Variants in NCOA3 observed in about 807,000 individuals in gnomAD.
NCOA3 encodes nuclear receptor coactivator 3.
A neutral mutation model predicts 158.8 loss-of-function variants in NCOA3; 51 were observed. That is an observed-to-expected ratio of 0.32 (90% CI 0.26 to 0.41). NCOA3 has a LOEUF of 0.41. Among genes scored for constraint, NCOA3 ranks in the 10% least tolerant of loss-of-function variants. The pLI is 1.00. For synonymous variants in NCOA3, 537 were observed against 592.4 expected, an observed-to-expected ratio of 0.91 and a Z score of 1.36; for missense variants, 1,510 against 1,746.6, an observed-to-expected ratio of 0.86 and a Z score of 2.41.
rs572469561 is a variant in NCOA3 at position 47,634,033 on chromosome 20, T to C, written c.965-15T>C. ...CTGACTGTAGTTACCAGTGATGGGATATTTTCCCCAACAGCTTATCTTAAT... is the reference window on the plus strand; with the variant it reads ...CTGACTGTAGTTACCAGTGATGGGACATTTTCCCCAACAGCTTATCTTAAT... On this transcript the variant is annotated splice_polypyrimidine_tract_variant and intron_variant, in intron 9 of 22. Transcript: ENST00000371998. The C allele has an allele frequency of 9.3e-6, 15 of 1,613,980 alleles. No individual in the cohort carries two copies. In the African/African-American group the frequency reaches 2.0e-4, roughly 22 times the overall value.
rs367600402 is a variant in NCOA3 at position 47,566,589 on chromosome 20, G to A, written c.-98-16594G>A. On this transcript the variant is annotated intron_variant, in intron 1 of 22. Coordinates refer to ENST00000371998, the MANE Select transcript of NCOA3 (RefSeq NM_181659.3). ...TGCAGTGGTGCCATTTCAGCTCACC[G>A]CACCCTCAACCTCCTGGGCTCAAGC... Among the ~76,000 whole-genome samples, 11 of 152,022 alleles carry A rather than the reference G, an allele frequency of 7.2e-5. 1 individual carries two copies. The highest frequency in any genetic ancestry group is 1.4e-4 in the African/African-American group (6 of 41,488).
In NCOA3 at chr20:47,642,244, G is replaced by C; in HGVS notation, c.3112G>C (p.Val1038Leu). The C allele has an allele frequency of 6.2e-7, 1 of 1,605,388 alleles. No individual in the cohort carries two copies. The highest frequency in any genetic ancestry group is 2.2e-5 in the East Asian group (1 of 44,680). ...TCTTAGGAATTCCCTGGATGATCTT[G>C]TTGGGCCACCTTCCAACCTGGAAGG... is the stretch of plus-strand genomic sequence containing the variant. ...PLLRNSLDDL[V>L]GPPSNLEGQS... The change falls in exon 17 of 23, where the codon GTT becomes CTT. Residue 1038 changes from valine to leucine, a missense_variant. Transcript: ENST00000371998.
At chr20:47,558,716 C>T (rs1005388767) in intron 1 of NCOA3, among the ~76,000 whole-genome samples, 3 of 151,948 alleles carry the variant, frequency 2.0e-5, no homozygotes, top group Non-Finnish European at 4.4e-5. Flanking sequence ...CAGAATCCCT[C>T]ATCTCCATCA....
intron 17 of NCOA3, among the ~76,000 whole-genome samples, chr20:47,644,702 A>G (rs2086660888): frequency 6.6e-6 from 1 of 151,542 alleles, no homozygotes; most frequent in African/African-American, 2.4e-5. Context: ...CCAAATTTTT[A>G]TTTATTTATT....
chr20:47,537,517 G>A (rs1383466614), intron 1 of NCOA3, among the ~76,000 whole-genome samples: 1 of 151,802 alleles, frequency 6.6e-6, no homozygotes, highest in Non-Finnish European at 1.5e-5. Flanking sequence ...GAAAGAAAAT[G>A]TAAAACTGCC....
rs34097290 is a variant in NCOA3, at chr20:47,647,919, G to GTT, written c.3546+565_3546+566dup. Among the ~76,000 whole-genome samples the GTT allele has an allele frequency of 2.5e-3, 263 of 103,356 alleles. 2 individuals are homozygous for GTT. Among genetic ancestry groups the GTT allele is most frequent in the African/African-American group, 0.012 (251 of 20,630 alleles). 67.8% of individuals were successfully genotyped at this position (103,356 alleles called of 152,430 possible). A position where few individuals can be genotyped will look rare whatever the true frequency, so the allele number is the denominator to read the frequency against. ...TTTGTTTGTTTGTTTGTTTTGTTTT[G>GTT]TTTTTTTTTTTTTGAGGTGGAGTCT... On this transcript the variant is annotated intron_variant, in intron 18 of 22. Transcript: ENST00000371998.
intron 1 of NCOA3, among the ~76,000 whole-genome samples, chr20:47,533,313 AT>A (rs3091773): frequency 3.3e-4 from 43 of 132,106 alleles, no homozygotes; most frequent in Middle Eastern, 4.0e-3. Flanking sequence ...AAGATCATTG[AT>A]TTTTTTTTTT....
chr20:47,646,867 A>G (rs1225977452), intron 17 of NCOA3, among the ~76,000 whole-genome samples: 1 of 152,194 alleles, frequency 6.6e-6, no homozygotes, highest in African/African-American at 2.4e-5. Flanking sequence ...TCTTCAGAAT[A>G]TCAACTTTTA....
chr20:47,650,758 G>A (rs753136719), intron 19 of NCOA3, among the ~76,000 whole-genome samples: 2 of 151,922 alleles, frequency 1.3e-5, no homozygotes, highest in Non-Finnish European at 2.9e-5. Context: ...AGCTACTTGG[G>A]AGGCTGAGGC....
chr20:47,632,960 C>T (rs1258990330), intron 8 of NCOA3, among the ~76,000 whole-genome samples: 8 of 152,114 alleles, frequency 5.3e-5, no homozygotes, highest in South Asian at 2.1e-4. Context: ...GGATTACAGG[C>T]GTGAGGCACC....
At chr20:47,512,603 T>C (rs1005631080) in intron 1 of NCOA3, among the ~76,000 whole-genome samples, 3 of 147,160 alleles carry the variant, frequency 2.0e-5, no homozygotes, top group African/African-American at 7.5e-5. Context: ...AAAAGATATA[T>C]ACAGAGACTT....
intron 21 of NCOA3, 139 bp from the exon 22 acceptor site, chr20:47,652,792 A>G (rs1053958938): frequency 1.9e-5 from 20 of 1,077,412 alleles, no homozygotes; most frequent in Admixed American, 1.1e-4. Context: ...AAAATGGATC[A>G]CAGGCTGTCA....
chr20:47,577,134 G>A (rs911488052), intron 1 of NCOA3, among the ~76,000 whole-genome samples: 3 of 152,156 alleles, frequency 2.0e-5, no homozygotes, highest in Non-Finnish European at 4.4e-5. Context: ...TAGTATCGTT[G>A]TATAAGCAAA....
chr20:47,587,044 C>G (rs745354394), intron 2 of NCOA3, among the ~76,000 whole-genome samples: 6 of 152,166 alleles, frequency 3.9e-5, no homozygotes, highest in Non-Finnish European at 8.8e-5. Flanking sequence ...CTAGATTTAG[C>G]ATCCATTGAC....
At chr20:47,590,082 C>T (rs1225649621) in intron 2 of NCOA3, among the ~76,000 whole-genome samples, 1 of 152,026 alleles carries the variant, frequency 6.6e-6, no homozygotes, top group Non-Finnish European at 1.5e-5. Flanking sequence ...GCTGGGATTA[C>T]AGGTGTGAGC....
At chr20:47,612,584 T>C (rs1292755200) in intron 2 of NCOA3, among the ~76,000 whole-genome samples, 3 of 152,206 alleles carry the variant, frequency 2.0e-5, no homozygotes, top group Non-Finnish European at 4.4e-5. Flanking sequence ...ACTTTTAGTA[T>C]AAAGATCATT....
chr20:47,651,074 G>T lies in NCOA3; in HGVS notation c.3744G>T (p.Gln1248His). 1 of 1,255,546 alleles carries T rather than the reference G, an allele frequency of 8.0e-7. No homozygotes were observed. Among genetic ancestry groups the T allele is most frequent in the Non-Finnish European group, 1.1e-6 (1 of 901,030 alleles). The allele number at this position is 1,255,546 out of a possible 1,614,324, so 77.8% of individuals were successfully genotyped here. A position where few individuals can be genotyped will look rare whatever the true frequency, so the allele number is the denominator to read the frequency against. ...FRQQRVAMMM[Q>H]QQQQQQQQQQ... ...AACAGAGGGTGGCTATGATGATGCA[G>T]CAGCAGCAGCAGCAGCAACAGCAGC... The change falls in exon 20 of 23, where the codon CAG becomes CAT. Residue 1248 changes from glutamine to histidine, a missense_variant. Around this residue, in one of 4 missense-constraint regions of NCOA3, gnomAD observed 1,017 missense variants for 1,098.3 expected, o/e 0.93. Coordinates refer to ENST00000371998, the MANE Select transcript of NCOA3 (RefSeq NM_181659.3).
intron 1 of NCOA3, among the ~76,000 whole-genome samples, chr20:47,571,319 TC>T (rs1384687719): frequency 6.6e-6 from 1 of 150,594 alleles, no homozygotes; most frequent in Non-Finnish European, 1.5e-5. Context: ...TTCTTTTCTT[TC>T]TTTTTTTTTT....
intron 1 of NCOA3, among the ~76,000 whole-genome samples, chr20:47,509,373 G>C (rs1357553971): frequency 6.6e-6 from 1 of 152,210 alleles, no homozygotes; most frequent in Non-Finnish European, 1.5e-5. Context: ...CAGCCTGAGT[G>C]ACAGAGTGAG....
Sources: gnomAD v4.1 joint callset for allele counts (sites outside exome capture counted in the v4.1 genomes callset) on GRCh38, gnomAD v4.1.1 for gene constraint, gnomAD v4.1.1 regional missense constraint, MANE v1.5 for transcripts, NCBI Gene and HGNC (gene_info 2026-07-23, HGNC 2026-07-21) for gene names.